The following PPM1H variants were observed in gnomAD, a reference collection of about 807,000 sequenced individuals.
The protein encoded by PPM1H is protein phosphatase 1H.
A neutral mutation model predicts 54.9 loss-of-function variants in PPM1H; 27 were observed. The observed-to-expected ratio is 0.49, with a 90% confidence interval of 0.36 to 0.68. PPM1H has a LOEUF of 0.68. Ranked by LOEUF, PPM1H falls within the 30% of genes least tolerant of loss-of-function variation. The pLI is 0.00. For missense variants in PPM1H, 596 were observed against 667.8 expected, an observed-to-expected ratio of 0.89 and a Z score of 1.19; for synonymous variants, 305 against 270.8, an observed-to-expected ratio of 1.13 and a Z score of -1.24.
intron 6 of PPM1H, among the ~76,000 whole-genome samples, chr12:62,696,093 T>A (rs2076113874): frequency 6.6e-6 from 1 of 152,138 alleles, no homozygotes; most frequent in South Asian, 2.1e-4. Context: ...CTAGAACCAA[T>A]GACTGGGTAT....
chr12:62,644,492 T>A lies in PPM1H; in HGVS notation c.*3997A>T, dbSNP rs1684526956. 6.6e-6 allele frequency: 1 copy of A among 152,260 alleles called. No homozygotes were observed. The highest frequency in any genetic ancestry group is 2.4e-5 in the African/African-American group (1 of 41,452). The allele number at this position is 152,260 out of a possible 1,614,324, so 9.4% of individuals were successfully genotyped here. A position where few individuals can be genotyped will look rare whatever the true frequency, so the allele number is the denominator to read the frequency against. ...GGTCACTGTCTACCTGGTTGCTACA[T>A]GAACAAAACTTCACCTAAGACACAG... On this transcript the variant is annotated 3_prime_UTR_variant, in exon 10 of 10. Coordinates refer to ENST00000228705, the MANE Select transcript of PPM1H (RefSeq NM_020700.2).
chr12:62,717,299 G>A (rs1013215744), intron 6 of PPM1H, among the ~76,000 whole-genome samples: 1 of 152,206 alleles, frequency 6.6e-6, no homozygotes, highest in African/African-American at 2.4e-5. Flanking sequence ...CAGCCGTTTG[G>A]GGAATTAGGC....
intron 1 of PPM1H, among the ~76,000 whole-genome samples, chr12:62,866,213 A>G (rs1332204783): frequency 1.3e-5 from 2 of 151,894 alleles, no homozygotes; most frequent in East Asian, 3.9e-4. Flanking sequence ...TGTCCTTTTG[A>G]TGTCTTGCTA....
chr12:62,723,806 A>T (rs895823153), intron 5 of PPM1H, among the ~76,000 whole-genome samples: 3 of 152,188 alleles, frequency 2.0e-5, no homozygotes, highest in Non-Finnish European at 4.4e-5. Context: ...AATCCAAACG[A>T]CATTCCTGAG....
intron 5 of PPM1H, among the ~76,000 whole-genome samples, chr12:62,727,509 G>A (rs1565770348): frequency 6.6e-6 from 1 of 151,960 alleles, no homozygotes; most frequent in Non-Finnish European, 1.5e-5. Context: ...ATGGCTGCAT[G>A]TGGTTTTTAA....
chr12:62,713,049 A>G (rs1839890328), intron 6 of PPM1H, among the ~76,000 whole-genome samples: 1 of 152,218 alleles, frequency 6.6e-6, no homozygotes, highest in Admixed American at 6.5e-5. Context: ...AATAAAGAAT[A>G]AGATAGAAGC....
intron 2 of PPM1H, among the ~76,000 whole-genome samples, chr12:62,825,495 A>G (rs1290883672): frequency 6.6e-6 from 1 of 152,246 alleles, no homozygotes; most frequent in Non-Finnish European, 1.5e-5. Flanking sequence ...AATGTCCATC[A>G]GTGATAGACT....
chr12:62,809,047 G>A (rs1172893227), intron 2 of PPM1H, among the ~76,000 whole-genome samples: 1 of 152,136 alleles, frequency 6.6e-6, no homozygotes, highest in Non-Finnish European at 1.5e-5. Context: ...GATCAAATAG[G>A]TTTTGCTGTA....
In PPM1H at chr12:62,757,270, T is replaced by G. The variant is rs139364695; in HGVS notation, c.870-19684A>C. On this transcript the variant is annotated intron_variant, in intron 4 of 9. Coordinates refer to ENST00000228705, the MANE Select transcript of PPM1H (RefSeq NM_020700.2). ...ATAAAATCAGGAGTGTGATTTTTGA[T>G]AGATAAACTGTTTCCTGTTTTTGCT... 6.9e-3 allele frequency among the ~76,000 whole-genome samples: 1,055 copies of G among 152,294 alleles called. 12 individuals are homozygous for G. Among genetic ancestry groups the G allele is most frequent in the African/African-American group, 0.024 (1,005 of 41,558 alleles).
intron 1 of PPM1H, among the ~76,000 whole-genome samples, chr12:62,887,342 TG>T (rs1330695514): frequency 6.6e-6 from 1 of 152,210 alleles, no homozygotes; most frequent in African/African-American, 2.4e-5. Flanking sequence ...TACTAGACTT[TG>T]GAATACAAAG....
chr12:62,730,365 C>T (rs2076314680), intron 5 of PPM1H, among the ~76,000 whole-genome samples: 1 of 152,202 alleles, frequency 6.6e-6, no homozygotes, highest in Admixed American at 6.5e-5. Flanking sequence ...AGTAACACTG[C>T]TGGACCACAG....
chr12:62,690,162 T>C (rs950517098), intron 7 of PPM1H, among the ~76,000 whole-genome samples: 2 of 152,012 alleles, frequency 1.3e-5, no homozygotes, highest in Admixed American at 6.6e-5. Context: ...TCAAACCCAA[T>C]AGGATTGATC....
chr12:62,903,667 T>G (rs1018399101), intron 1 of PPM1H, among the ~76,000 whole-genome samples: 1 of 152,124 alleles, frequency 6.6e-6, no homozygotes, highest in African/African-American at 2.4e-5. Context: ...ATAATCAACT[T>G]TACTTAAGAT....
chr12:62,807,741 T>G (rs2076813424), intron 2 of PPM1H, among the ~76,000 whole-genome samples: 1 of 152,232 alleles, frequency 6.6e-6, no homozygotes, highest in Admixed American at 6.5e-5. Context: ...AACCACATTG[T>G]GGGCTCTGCT....
At chr12:62,660,723 C>T (rs2075877949) in intron 9 of PPM1H, among the ~76,000 whole-genome samples, 1 of 152,120 alleles carries the variant, frequency 6.6e-6, no homozygotes, top group African/African-American at 2.4e-5. Flanking sequence ...AATATAAGAC[C>T]TGAAACTACG....
At chr12:62,733,844 T>G (rs985102393) in intron 5 of PPM1H, among the ~76,000 whole-genome samples, 26 of 152,172 alleles carry the variant, frequency 1.7e-4, no homozygotes, top group Non-Finnish European at 3.2e-4. Flanking sequence ...ACACTGATTG[T>G]TTAAGGGCGA....
At chr12:62,809,623 T>C (rs1373315269) in intron 2 of PPM1H, among the ~76,000 whole-genome samples, 4 of 152,224 alleles carry the variant, frequency 2.6e-5, no homozygotes, top group Non-Finnish European at 5.9e-5. Flanking sequence ...ATGAAGGTGA[T>C]GCTTTTAAAG....
chr12:62,723,642 G>T (rs1728605881), intron 5 of PPM1H, among the ~76,000 whole-genome samples: 1 of 152,124 alleles, frequency 6.6e-6, no homozygotes, highest in South Asian at 2.1e-4. Flanking sequence ...TCTTGATCTT[G>T]GGGCTTCCCA....
At chr12:62,738,188 G>A (rs2076360959) in intron 4 of PPM1H, among the ~76,000 whole-genome samples, 1 of 152,174 alleles carries the variant, frequency 6.6e-6, no homozygotes, top group African/African-American at 2.4e-5. Context: ...TGGGCCAGCA[G>A]CATTGGCTTC....
Sources: allele counts gnomAD v4.1 joint callset (sites outside exome capture counted in the v4.1 genomes callset), GRCh38; gene constraint gnomAD v4.1.1; transcripts MANE v1.5; gene names NCBI Gene and HGNC (gene_info 2026-07-23, HGNC 2026-07-21).